IGSF5: variants seen among roughly 807,000 people sequenced by gnomAD.
IGSF5 encodes the protein immunoglobulin superfamily member 5.
IGSF5 carries 41 observed loss-of-function variants against 39.4 expected under a neutral mutation model. The ratio of observed to expected loss-of-function variants is 1.04; its 90% CI spans 0.81 to 1.35. The LOEUF (loss-of-function observed/expected upper bound fraction) is 1.35, where lower values mean the gene tolerates loss of function less well. Ranked by LOEUF, IGSF5 falls within the 40% of genes most tolerant of loss-of-function variation. The pLI, the probability that IGSF5 is intolerant of heterozygous loss-of-function variation, is 0.00. For missense variants in IGSF5, 487 were observed against 494.6 expected (o/e 0.98, Z 0.15); for synonymous variants, 183 against 175.3 (o/e 1.04, Z -0.34).
At position 39,753,741 on chromosome 21, in the gene IGSF5, C is replaced by CT. The variant is rs34544193; in HGVS notation, c.100+7454dup. On this transcript the variant is annotated intron_variant, in intron 2 of 8. Coordinates refer to ENST00000380588, the MANE Select transcript of IGSF5 (RefSeq NM_001080444.2). The stretch of plus-strand genomic sequence containing the variant: ...ATCACTATATAATGCCCTTCTTTGT[C>CT]TTTTTTTTTTTAACTGTTGTTGCTT... 5.8e-4 allele frequency among the ~76,000 whole-genome samples: 87 copies of CT among 150,262 alleles called. 1 individual carries two copies. The highest frequency in any genetic ancestry group is 2.0e-3 in the East Asian group (10 of 5,114).
At chr21:39,799,827 A>C (rs2087019254) in intron 8 of IGSF5, among the ~76,000 whole-genome samples, 1 of 152,204 alleles carries the variant, frequency 6.6e-6, no homozygotes, top group Non-Finnish European at 1.5e-5. Flanking sequence ...GTAAATGAAA[A>C]AATAGAAACC....
chr21:39,757,110 G>A (rs1392054033), intron 2 of IGSF5, among the ~76,000 whole-genome samples: 5 of 151,690 alleles, frequency 3.3e-5, no homozygotes. Context: ...TGTCCAATGC[G>A]GCGGCTGTTG....
the IGSF5 span, among the ~76,000 whole-genome samples, chr21:39,735,753 G>A: frequency 2.0e-5 from 3 of 152,092 alleles, no homozygotes; most frequent in Non-Finnish European, 4.4e-5. Flanking sequence ...ACAAATAGAA[G>A]CAAAATTGGT....
At chr21:39,718,582 C>G in the IGSF5 span, among the ~76,000 whole-genome samples, 22 of 152,146 alleles carry the variant, frequency 1.4e-4, no homozygotes, top group African/African-American at 5.3e-4. Context: ...TTATCAAAAG[C>G]CTTTTCTGCA....
At chr21:39,781,104 C>CTCAATTCCTT (rs1304743762) in intron 5 of IGSF5, among the ~76,000 whole-genome samples, 2 of 152,254 alleles carry the variant, frequency 1.3e-5, no homozygotes, top group East Asian at 3.9e-4. Flanking sequence ...AACTAAAGGT[C>CTCAATTCCTT]TAGTCTTAGT....
chr21:39,794,561 C>T (rs993345709), intron 8 of IGSF5, among the ~76,000 whole-genome samples: 1 of 152,122 alleles, frequency 6.6e-6, no homozygotes, highest in Non-Finnish European at 1.5e-5. Context: ...TTTTCTATCC[C>T]GAATCATAAA....
intron 4 of IGSF5, 98 bp from the exon 5 acceptor site, chr21:39,778,992 A>G (rs1601135344): frequency 7.0e-7 from 1 of 1,422,782 alleles, no homozygotes. Context: ...CTGAATAGTT[A>G]TAATATTACT....
At chr21:39,712,694 T>C in the IGSF5 span, among the ~76,000 whole-genome samples, 17,633 of 152,022 alleles carry the variant, frequency 0.12, 1,441 homozygotes, top group East Asian at 0.23. Context: ...GAGCAGTGAG[T>C]GAGGAGGGCT....
In IGSF5 at chr21:39,771,103, C is replaced by T. The variant is rs1036593668; in HGVS notation, c.606C>T (p.Ile202=). Reference sequence around the variant, plus strand: ...GCGACCTTCAAAGTGCAGTGAGCATCCTGGCTCTGACCCCACAGAGCAATG... The same window carrying T: ...GCGACCTTCAAAGTGCAGTGAGCATTCTGGCTCTGACCCCACAGAGCAATG... The part of the protein sequence containing the change: ...EPSDLQSAVS[I]LALTPQSNGT... The change falls in exon 4 of 9, where the codon ATC becomes ATT. Residue 202 remains isoleucine (I), a synonymous_variant. Coordinates refer to ENST00000380588, the MANE Select transcript of IGSF5 (RefSeq NM_001080444.2). 1.9e-6 allele frequency: 3 copies of T among 1,613,476 alleles called. No homozygotes were observed. The highest frequency in any genetic ancestry group is 3.3e-4 in the Middle Eastern group (2 of 6,062).
intron 2 of IGSF5, among the ~76,000 whole-genome samples, chr21:39,749,932 G>A (rs369248507): frequency 2.6e-5 from 4 of 152,190 alleles, no homozygotes; most frequent in Non-Finnish European, 5.9e-5. Context: ...CCTTTGCTCC[G>A]CACCTGTGAA....
At chr21:39,743,827 A>T (rs1303680404), upstream of IGSF5, among the ~76,000 whole-genome samples, 1 of 152,198 alleles carries the variant, frequency 6.6e-6, no homozygotes, top group Non-Finnish European at 1.5e-5. Flanking sequence ...TCAGGAGGCC[A>T]GCTTTCTTCC....
intron 6 of IGSF5, among the ~76,000 whole-genome samples, chr21:39,790,698 A>C (rs1348881875): frequency 6.6e-6 from 1 of 152,178 alleles, no homozygotes; most frequent in Non-Finnish European, 1.5e-5. Context: ...AACTACTCTG[A>C]GTACTATTGT....
Position 39,759,884 on chromosome 21 carries a change from A to G in IGSF5, c.101-5651A>G, listed in dbSNP as rs552576810. Among the ~76,000 whole-genome samples the G allele has an allele frequency of 1.6e-3, 243 of 150,790 alleles. 1 individual carries two copies. Among genetic ancestry groups the G allele is most frequent in the Middle Eastern group, 6.8e-3 (2 of 294 alleles). The stretch of plus-strand genomic sequence containing the variant: ...TCCGTCTCAAAAAAAAAAAAAAAAA[A>G]GCTGAGGCATACGTGCTGTCTTGAG... On this transcript the variant is annotated intron_variant, in intron 2 of 8. Transcript: ENST00000380588.
At chr21:39,733,039 TAAAATTAAA>T in the IGSF5 span, among the ~76,000 whole-genome samples, 1 of 149,866 alleles carries the variant, frequency 6.7e-6, no homozygotes, top group East Asian at 2.0e-4. Flanking sequence ...ATAATAATAA[TAAAATTAAA>T]AAAATTAAAA....
In IGSF5 at chr21:39,771,035, C is replaced by T. The variant is rs1483611841; in HGVS notation, c.538C>T (p.Leu180Phe). 3 of 1,613,706 alleles carry T rather than the reference C, an allele frequency of 1.9e-6. No homozygotes were observed. Among genetic ancestry groups the T allele is most frequent in the South Asian group, 1.1e-5 (1 of 90,922 alleles). Residue 180 changes from leucine (L) to phenylalanine (F), a missense_variant, in exon 4 of 9, where the codon CTC becomes TTC. Transcript: ENST00000380588. ...RLPDISWELG[L>F]LVSHSSYYFV... The stretch of plus-strand genomic sequence containing the variant: ...CCCGGATATTTCCTGGGAGCTCGGT[C>T]TCCTGGTCAGCCATTCAAGCTATTA...
chr21:39,754,662 T>C (rs145948561), intron 2 of IGSF5, among the ~76,000 whole-genome samples: 1 of 152,292 alleles, frequency 6.6e-6, no homozygotes, highest in Non-Finnish European at 1.5e-5. Context: ...CTAAAGACTT[T>C]AAGAATAAAA....
At chr21:39,796,551 C>T (rs911299579) in intron 8 of IGSF5, among the ~76,000 whole-genome samples, 2 of 152,234 alleles carry the variant, frequency 1.3e-5, no homozygotes, top group African/African-American at 4.8e-5. Context: ...TCCTTTCATC[C>T]TCCTCTCCGC....
At chr21:39,731,701 G>T in the IGSF5 span, among the ~76,000 whole-genome samples, 1,224 of 152,242 alleles carry the variant, frequency 8.0e-3, 15 homozygotes, top group African/African-American at 0.028. Flanking sequence ...CAAACTGAAT[G>T]AGCTTGGAAG....
At chr21:39,800,927 A>C (rs1477897782) in intron 8 of IGSF5, among the ~76,000 whole-genome samples, 1 of 152,206 alleles carries the variant, frequency 6.6e-6, no homozygotes. Flanking sequence ...AAGTTTAGAA[A>C]TATTTTATAT....
Sources: gnomAD v4.1 joint callset for allele counts (sites outside exome capture counted in the v4.1 genomes callset) on GRCh38, gnomAD v4.1.1 for gene constraint, MANE v1.5 for transcripts, NCBI Gene and HGNC (gene_info 2026-07-23, HGNC 2026-07-21) for gene names.